Variants in ROCK2 observed in about 807,000 individuals in gnomAD.
ROCK2 encodes rho-associated protein kinase 2.
A neutral mutation model predicts 195.1 loss-of-function variants in ROCK2; 61 were observed. The observed-to-expected ratio is 0.31, with a 90% CI of 0.25 to 0.39. The LOEUF is 0.39. Ranked by LOEUF, ROCK2 falls within the 10% of genes least tolerant of loss-of-function variation. ROCK2 has a pLI of 1.00. For missense variants in ROCK2, 1,109 were observed against 1,637.4 expected (o/e 0.68, Z 5.57); for synonymous variants, 504 against 545.5 (o/e 0.92, Z 1.06).
At chr2:11,328,778 G>A (rs1277181533) in intron 1 of ROCK2, among the ~76,000 whole-genome samples, 1 of 152,104 alleles carries the variant, frequency 6.6e-6, no homozygotes, top group Non-Finnish European at 1.5e-5. Flanking sequence ...AGACATGGAT[G>A]AAATTGGAAA....
intron 1 of ROCK2, among the ~76,000 whole-genome samples, chr2:11,310,970 C>A (rs935399036): frequency 1.3e-5 from 2 of 151,262 alleles, no homozygotes; most frequent in Admixed American, 1.3e-4. Flanking sequence ...TTTGTCCTGT[C>A]TCTGAGCCAC....
intron 1 of ROCK2, among the ~76,000 whole-genome samples, chr2:11,331,011 AGAAAGAAGGAG>A (rs1668744072): frequency 5.2e-5 from 1 of 19,202 alleles, no homozygotes; most frequent in Non-Finnish European, 1.0e-4. Context: ...AGGAAGGAGC[AGAAAGAAGGAG>A]GGAGGAGGAG....
At chr2:11,275,116 G>A (rs1037103511) in intron 3 of ROCK2, among the ~76,000 whole-genome samples, 1 of 151,898 alleles carries the variant, frequency 6.6e-6, no homozygotes, top group African/African-American at 2.4e-5. Flanking sequence ...AATTAGCCAG[G>A]CGTGGCGGCA....
In ROCK2 at chr2:11,268,522, CTGTGTGTGTG is replaced by C. The variant is rs70953378; in HGVS notation, c.324+18007_324+18016del. On this transcript the variant is annotated intron_variant, in intron 3 of 32. Transcript: ENST00000315872. ...TGTGTGTGTATTTAACAGTTTTGCA[CTGTGTGTGTG>C]TGTGTGTGTGTGTGTGTGTGTGTGT... Among the ~76,000 whole-genome samples the C allele has an allele frequency of 2.2e-3, 304 of 140,656 alleles. 1 individual carries two copies. The highest frequency in any genetic ancestry group is 7.0e-3 in the Middle Eastern group (2 of 284). The allele number at this position is 140,656 out of a possible 152,430, so 92.3% of individuals were successfully genotyped here. A position where few individuals can be genotyped will look rare whatever the true frequency, so the allele number is the denominator to read the frequency against.
Position 11,181,277 on chromosome 2 carries a change from C to A in ROCK2, c.*2160G>T, listed in dbSNP as rs961332217. On this transcript the variant is annotated 3_prime_UTR_variant, in exon 33 of 33. Transcript: ENST00000315872. ...AAAATCTTTATATAAAATATTAATT[C>A]AGTCTCCTTTTAACAACTCTAATGA... 1.0e-4 allele frequency: 15 copies of A among 149,068 alleles called. No individual in the cohort carries two copies. Among genetic ancestry groups the A allele is most frequent in the African/African-American group, 3.7e-4 (15 of 40,806 alleles). 9.2% of individuals were successfully genotyped at this position (149,068 alleles called of 1,614,324 possible).
intron 23 of ROCK2, among the ~76,000 whole-genome samples, chr2:11,200,092 G>T (rs1384794276): frequency 3.9e-5 from 6 of 152,158 alleles, no homozygotes; most frequent in Non-Finnish European, 5.9e-5. Context: ...GTGAGGTTAA[G>T]TACATGCTTA....
Position 11,214,369 on chromosome 2 carries a change from A to G in ROCK2, c.2031T>C (p.Thr677=). The part of the protein sequence containing the change: ...LEKRQLQERF[T]DLEKEKSNME... ...AAACATGTTTTACCTTTTCCAAATC[A>G]GTAAATCTCTCCTGAAGTTGTCTCT... is the stretch of plus-strand genomic sequence containing the variant. The change falls in exon 17 of 33, where the codon ACT becomes ACC. Residue 677 remains threonine, a synonymous_variant. Coordinates refer to ENST00000315872, the MANE Select transcript of ROCK2 (RefSeq NM_004850.5). The G allele has an allele frequency of 3.2e-6, 5 of 1,565,138 alleles. No individual in the cohort carries two copies. Among genetic ancestry groups the G allele is most frequent in the South Asian group, 2.3e-5 (2 of 87,054 alleles).
chr2:11,194,328 C>T lies in ROCK2; in HGVS notation c.3536G>A (p.Ser1179Asn). The change falls in exon 29 of 33, where the codon AGT (serine) becomes AAT (asparagine). Residue 1179 changes from serine to asparagine, a missense_variant. Physicochemically the swap from Ser to Asn is conservative, Grantham distance 46. Coordinates refer to ENST00000315872, the MANE Select transcript of ROCK2 (RefSeq NM_004850.5). ...ACTGTCATAGAAAAGAATCTTCTTA[C>T]TGCTTACAATCACATACTGTTAAAA... is the stretch of plus-strand genomic sequence containing the variant. ...GWVKKYVIVS[S>N]KKILFYDSEQ... The T allele has an allele frequency of 6.9e-7, 1 of 1,443,410 alleles. No individual in the cohort carries two copies. Among genetic ancestry groups the T allele is most frequent in the Non-Finnish European group, 9.4e-7 (1 of 1,065,102 alleles). The allele number at this position is 1,443,410 out of a possible 1,614,324, so 89.4% of individuals were successfully genotyped here. A position where few individuals can be genotyped will look rare whatever the true frequency, so the allele number is the denominator to read the frequency against.
At chr2:11,286,685 AT>A (rs1667205162) in intron 2 of ROCK2, 46 bp from the exon 3 acceptor site, 1 of 1,022,166 alleles carries the variant, frequency 9.8e-7, no homozygotes, top group Non-Finnish European at 1.5e-6. Context: ...TCATATTTAT[AT>A]TTTTACATAA....
intron 1 of ROCK2, among the ~76,000 whole-genome samples, chr2:11,288,784 T>C (rs1257954197): frequency 6.6e-6 from 1 of 151,974 alleles, no homozygotes; most frequent in Non-Finnish European, 1.5e-5. Flanking sequence ...TTTAGAAAGG[T>C]AATCCAGGTG....
chr2:11,271,193 A>G lies in ROCK2; in HGVS notation c.324+15346T>C, dbSNP rs1451398436. ...GGAGGGCAGGCCTTGTTAAGAAGCA[A>G]ATGCTGTGGCATATTTCAAAATGTT... is the stretch of plus-strand genomic sequence containing the variant. On this transcript the variant is annotated intron_variant, in intron 3 of 32. Transcript: ENST00000315872. 2.0e-5 allele frequency among the ~76,000 whole-genome samples: 3 copies of G among 152,184 alleles called. No individual in the cohort carries two copies. In the East Asian group the frequency reaches 5.8e-4, roughly 29 times the overall value.
At chr2:11,280,219 C>T (rs1274202917) in intron 3 of ROCK2, among the ~76,000 whole-genome samples, 2 of 151,826 alleles carry the variant, frequency 1.3e-5, no homozygotes, top group Non-Finnish European at 2.9e-5. Context: ...TTTGAAAAGA[C>T]CAATAATATT....
At chr2:11,307,888 C>T in intron 1 of ROCK2, 5 of 1,132,906 alleles carry the variant, frequency 4.4e-6, no homozygotes, top group Non-Finnish European at 5.9e-6. Flanking sequence ...GCTTGGGCGG[C>T]TCCTCGGTGG....
At chr2:11,267,701 CTTT>C (rs34065184) in intron 3 of ROCK2, among the ~76,000 whole-genome samples, 66 of 130,380 alleles carry the variant, frequency 5.1e-4, no homozygotes, top group Middle Eastern at 3.9e-3. Context: ...ATCAATACGC[CTTT>C]TTTTTTTTTT....
intron 1 of ROCK2, among the ~76,000 whole-genome samples, chr2:11,329,956 C>T (rs1215860788): frequency 6.6e-6 from 1 of 152,162 alleles, no homozygotes; most frequent in Non-Finnish European, 1.5e-5. Context: ...ATGAACATGT[C>T]ATAACTGACT....
chr2:11,249,576 A>G, intron 4 of ROCK2, 85 bp downstream of exon 4: 2 of 1,082,090 alleles, frequency 1.8e-6, no homozygotes, highest in Non-Finnish European at 2.5e-6. Flanking sequence ...AATGAAGCAT[A>G]AGACTTGGCA....
Position 11,180,017 on chromosome 2 carries a change from C to T in ROCK2, c.*3420G>A, listed in dbSNP as rs1250347213. 3 of 152,058 alleles carry T rather than the reference C, an allele frequency of 2.0e-5. No homozygotes were observed. The highest frequency in any genetic ancestry group is 1.9e-4 in the East Asian group (1 of 5,162). 9.4% of individuals were successfully genotyped at this position (152,058 alleles called of 1,614,324 possible). ...GCCCCCCCCCAAGCATGATATCCAGCGCTGTCACACAGTGCTTATGTTCAA... is the reference window on the plus strand; with the variant it reads ...GCCCCCCCCCAAGCATGATATCCAGTGCTGTCACACAGTGCTTATGTTCAA... On this transcript the variant is annotated 3_prime_UTR_variant, in exon 33 of 33. Coordinates refer to ENST00000315872, the MANE Select transcript of ROCK2 (RefSeq NM_004850.5).
At chr2:11,302,973 C>T (rs1406188703) in intron 1 of ROCK2, among the ~76,000 whole-genome samples, 1 of 152,132 alleles carries the variant, frequency 6.6e-6, no homozygotes, top group Non-Finnish European at 1.5e-5. Context: ...GGTCTTTCTA[C>T]TTCCATCACT....
At chr2:11,266,465 T>C (rs935426889) in intron 3 of ROCK2, among the ~76,000 whole-genome samples, 8 of 152,362 alleles carry the variant, frequency 5.3e-5, no homozygotes, top group Middle Eastern at 3.4e-3. Context: ...TACTGTGCAA[T>C]ACCTACTGTG....
Sources: allele counts gnomAD v4.1 joint callset (sites outside exome capture counted in the v4.1 genomes callset), GRCh38; gene constraint gnomAD v4.1.1; transcripts MANE v1.5; gene names NCBI Gene and HGNC (gene_info 2026-07-23, HGNC 2026-07-21).